Variants in COPZ2 observed in about 807,000 individuals in gnomAD.
COPZ2 encodes coatomer subunit zeta-2.
Under a neutral mutation model 33.2 loss-of-function variants are expected in COPZ2, and 30 were observed. That is an observed-to-expected ratio of 0.90 (90% CI 0.68 to 1.23). The LOEUF (loss-of-function observed/expected upper bound fraction) is 1.23, where lower values mean the gene tolerates loss of function less well. Ranked by LOEUF, COPZ2 falls within the 50% of genes most tolerant of loss-of-function variation. The probability of loss-of-function intolerance (pLI) is 0.00; values close to 1 mark genes in which losing one functional copy is unlikely to be tolerated. For missense variants in COPZ2, 263 were observed against 262.4 expected (o/e 1.00, Z -0.02); for synonymous variants, 89 against 102.6 (o/e 0.87, Z 0.80).
upstream of COPZ2, among the ~76,000 whole-genome samples, chr17:48,042,098 C>A (rs2037067734): frequency 6.6e-6 from 1 of 152,004 alleles, no homozygotes; most frequent in Non-Finnish European, 1.5e-5. Flanking sequence ...GTTCTCATCA[C>A]CCCCACATCT....
chr17:48,037,900 T>C (rs1246853788), upstream of COPZ2: 16 of 943,520 alleles, frequency 1.7e-5, no homozygotes, highest in Admixed American at 9.3e-4. This position sits in a 1 kb window ranked among gnomAD's most constrained non-coding sequence, Gnocchi z 5.6. Flanking sequence ...CCCCGTCCTC[T>C]TGCTCGTTCT....
chr17:48,041,194 A>G (rs187092052), upstream of COPZ2, among the ~76,000 whole-genome samples: 94 of 151,872 alleles, frequency 6.2e-4, no homozygotes, highest in African/African-American at 2.1e-3. Flanking sequence ...TGCTGTACAA[A>G]TATTTATTGA....
rs1263139743 is a variant in COPZ2 at position 48,037,198 on chromosome 17, C to T, written c.112-273G>A. On this transcript the variant is annotated intron_variant, in intron 1 of 8. Coordinates refer to ENST00000621465, the MANE Select transcript of COPZ2 (RefSeq NM_016429.4). The surrounding 1 kb of genome is among the most constrained non-coding windows in gnomAD (Gnocchi z 5.6). ...CCCAAGTTCTGTCATGCACTGACTG[C>T]TCCAGAGCCCGAGTCGGAGTGTATC... 8.7e-6 allele frequency: 6 copies of T among 689,610 alleles called. No individual in the cohort carries two copies. Among genetic ancestry groups the T allele is most frequent in the South Asian group, 7.1e-5 (5 of 70,446 alleles). 42.7% of individuals were successfully genotyped at this position (689,610 alleles called of 1,614,324 possible). A position where few individuals can be genotyped will look rare whatever the true frequency, so the allele number is the denominator to read the frequency against.
rs966211833 is a variant in COPZ2, at chr17:48,037,571, G to A, written c.111+96C>T. On this transcript the variant is annotated intron_variant, in intron 1 of 8. Transcript: ENST00000621465. This position sits in a 1 kb window ranked among gnomAD's most constrained non-coding sequence, Gnocchi z 5.6. ...GGGTGACACAAAGTTCCCAGCCGCC[G>A]GGCGCGCGAGTTCTGAGTTGGCTGC... 5 of 1,001,130 alleles carry A rather than the reference G, an allele frequency of 5.0e-6. No individual in the cohort carries two copies. The highest frequency in any genetic ancestry group is 1.7e-5 in the African/African-American group (1 of 57,288). 62.0% of individuals were successfully genotyped at this position (1,001,130 alleles called of 1,614,324 possible).
Position 48,037,001 on chromosome 17 carries a change from C to T in COPZ2, c.112-76G>A. 7.7e-7 allele frequency: 1 copy of T among 1,292,976 alleles called. No individual in the cohort carries two copies. The highest frequency in any genetic ancestry group is 1.1e-6 in the Non-Finnish European group (1 of 891,460). 80.1% of individuals were successfully genotyped at this position (1,292,976 alleles called of 1,614,324 possible). A position where few individuals can be genotyped will look rare whatever the true frequency, so the allele number is the denominator to read the frequency against. Reference sequence around the variant, plus strand: ...CCTGTGTCTATGGGATCTGCTGGCCCTAGGATACATCCTCAGGCCCCAGCA... The same window carrying T: ...CCTGTGTCTATGGGATCTGCTGGCCTTAGGATACATCCTCAGGCCCCAGCA... On this transcript the variant is annotated intron_variant, in intron 1 of 8. Transcript: ENST00000621465. The surrounding 1 kb of genome is among the most constrained non-coding windows in gnomAD (Gnocchi z 5.6).
chr17:48,033,938 C>T lies in COPZ2; in HGVS notation c.193G>A (p.Asp65Asn), dbSNP rs1448802627. ...TCCTTCATGGAGGGGAATGTGTCAT[C>T]ATAATACTATGAGAAAGGGAAGGAG... The part of the protein sequence containing the change: ...DGRRLLAKYY[D>N]DTFPSMKEQM... The change falls in exon 3 of 9, where the codon GAT (aspartate) becomes AAT (asparagine). Residue 65 changes from aspartate to asparagine, a missense_variant. Transcript: ENST00000621465. 6.2e-7 allele frequency: 1 copy of T among 1,606,224 alleles called. No individual in the cohort carries two copies. The highest frequency in any genetic ancestry group is 8.5e-7 in the Non-Finnish European group (1 of 1,174,908).
At chr17:48,043,676 T>C in the COPZ2 span, 1 of 382,314 alleles carries the variant, frequency 2.6e-6, no homozygotes, top group African/African-American at 2.2e-5. Context: ...CAGGGCCTTA[T>C]ACTCAGCTCT....
chr17:48,040,658 C>G (rs1187669924), upstream of COPZ2, among the ~76,000 whole-genome samples: 2 of 148,864 alleles, frequency 1.3e-5, no homozygotes, highest in Admixed American at 1.3e-4. Context: ...GTCTCGATCT[C>G]TTGACCTTGT....
the COPZ2 span, chr17:48,047,522 G>A: frequency 6.6e-6 from 1 of 152,154 alleles, no homozygotes; most frequent in African/African-American, 2.4e-5. Flanking sequence ...ATTAAAAAAT[G>A]AGAAACATCC....
Position 48,033,229 on chromosome 17 carries a change from G to A in COPZ2, c.342C>T (p.Gly114=). Reference sequence around the variant, plus strand: ...AATTCACCTCATTCTCGTAGGATGAGCCCACCACGTATAGGAAGAGGTCAA... The same window carrying A: ...AATTCACCTCATTCTCGTAGGATGAACCCACCACGTATAGGAAGAGGTCAA... ...NSIDLFLYVV[G]SSYENELMLM... is the part of the protein sequence containing the mutation. Residue 114 remains glycine (G), a synonymous_variant, in exon 4 of 9, where the codon GGC becomes GGT. Transcript: ENST00000621465. The A allele has an allele frequency of 1.2e-6, 2 of 1,611,812 alleles. No individual in the cohort carries two copies. Among genetic ancestry groups the A allele is most frequent in the Admixed American group, 1.7e-5 (1 of 59,910 alleles).
At chr17:48,047,263 C>G in the COPZ2 span, 1 of 152,156 alleles carries the variant, frequency 6.6e-6, no homozygotes, top group Non-Finnish European at 1.5e-5. Flanking sequence ...CCTCTTTGTC[C>G]TATAGCTGGG....
chr17:48,034,201 C>T (rs570591989), intron 2 of COPZ2, among the ~76,000 whole-genome samples: 3 of 152,336 alleles, frequency 2.0e-5, no homozygotes, highest in African/African-American at 4.8e-5. Context: ...CTCCACCTCC[C>T]GGGTTCAAGC....
chr17:48,037,235 G>T lies in COPZ2; in HGVS notation c.112-310C>A. 1.6e-6 allele frequency: 1 copy of T among 610,860 alleles called. No homozygotes were observed. The allele number at this position is 610,860 out of a possible 1,614,324, so 37.8% of individuals were successfully genotyped here. ...AGTCGGAGTGTATCACAGAACCTGG[G>T]CCGGGGGGGACAGCGGGCCGAGCCT... is the stretch of plus-strand genomic sequence containing the variant. On this transcript the variant is annotated intron_variant, in intron 1 of 8. Transcript: ENST00000621465. This position sits in a 1 kb window ranked among gnomAD's most constrained non-coding sequence, Gnocchi z 5.6.
chr17:48,041,236 C>G (rs1424487917), upstream of COPZ2, among the ~76,000 whole-genome samples: 1 of 151,414 alleles, frequency 6.6e-6, no homozygotes, highest in East Asian at 1.9e-4. Context: ...TTTTTCTAGC[C>G]ACTGGGACAC....
intron 4 of COPZ2, 100 bp downstream of exon 4, chr17:48,033,111 C>A: frequency 1.2e-6 from 1 of 817,250 alleles, no homozygotes; most frequent in Non-Finnish European, 2.0e-6. Context: ...AGAAGGGGTC[C>A]AATGGTGAGC....
intron 2 of COPZ2, 56 bp from the exon 3 acceptor site, chr17:48,034,000 C>T (rs1186528111): frequency 6.1e-6 from 8 of 1,303,922 alleles, no homozygotes; most frequent in Non-Finnish European, 7.6e-6. Context: ...TGGATCCTCC[C>T]TAGATTGGGG....
chr17:48,042,458 CTT>C (rs1306316359), upstream of COPZ2, among the ~76,000 whole-genome samples: 9 of 146,898 alleles, frequency 6.1e-5, no homozygotes, highest in Non-Finnish European at 1.0e-4. Flanking sequence ...CTTAAAATCT[CTT>C]TACATCTTTT....
At chr17:48,041,667 A>G (rs2037063649), upstream of COPZ2, among the ~76,000 whole-genome samples, 1 of 152,208 alleles carries the variant, frequency 6.6e-6, no homozygotes, top group Non-Finnish European at 1.5e-5. Flanking sequence ...GCCAGGGAAA[A>G]GACCCAGCAT....
upstream of COPZ2, among the ~76,000 whole-genome samples, chr17:48,042,970 T>C (rs527842305): frequency 6.6e-6 from 1 of 152,206 alleles, no homozygotes; most frequent in Non-Finnish European, 1.5e-5. Context: ...ATGTGAGCTA[T>C]GTGTGTCCAG....
Sources: allele counts gnomAD v4.1 joint callset (sites outside exome capture counted in the v4.1 genomes callset), GRCh38; gene constraint gnomAD v4.1.1; non-coding constraint Gnocchi (gnomAD v3.1); transcripts MANE v1.5; gene names NCBI Gene and HGNC (gene_info 2026-07-23, HGNC 2026-07-21).